EPS15: variants seen among roughly 807,000 people sequenced by gnomAD.
EPS15 encodes epidermal growth factor receptor pathway substrate 15.
A neutral mutation model predicts 113.8 loss-of-function variants in EPS15; 72 were observed. The ratio of observed to expected loss-of-function variants is 0.63; its 90% CI spans 0.52 to 0.77. The LOEUF is 0.77. Among genes scored for constraint, EPS15 ranks in the 30% least tolerant of loss-of-function variants. The probability of loss-of-function intolerance (pLI) is 0.00; values close to 1 mark genes in which losing one functional copy is unlikely to be tolerated. For missense variants in EPS15, 1,048 were observed against 1,045.8 expected, an observed-to-expected ratio of 1.00 and a Z score of -0.03; for synonymous variants, 344 against 363.4, an observed-to-expected ratio of 0.95 and a Z score of 0.61.
At chr1:51,402,332 C>A in intron 18 of EPS15, 103 bp downstream of exon 18, 1 of 561,896 alleles carries the variant, frequency 1.8e-6, no homozygotes, top group East Asian at 3.5e-5. Context: ...GGGCGACAGA[C>A]TGAGTTGGTA....
intron 1 of EPS15, among the ~76,000 whole-genome samples, chr1:51,508,240 A>AAAG (rs1644539008): frequency 2.6e-5 from 2 of 77,788 alleles, no homozygotes; most frequent in Admixed American, 1.1e-4. Flanking sequence ...AAAGAAAAGA[A>AAAG]AGAGAGAAAG....
At chr1:51,456,264 AT>A (rs1415998722) in intron 8 of EPS15, among the ~76,000 whole-genome samples, 1 of 152,224 alleles carries the variant, frequency 6.6e-6, no homozygotes, top group Non-Finnish European at 1.5e-5. Flanking sequence ...CTTTTAAAAA[AT>A]CTATACTGAA....
At chr1:51,458,450 T>C in intron 8 of EPS15, 1 of 358,942 alleles carries the variant, frequency 2.8e-6, no homozygotes. Flanking sequence ...TATATTTTTG[T>C]CTTGGGCCTG....
chr1:51,356,509 T>C lies in EPS15; in HGVS notation c.*191A>G. ...GAATTTGTCTGACTGGGTTACGGCT[T>C]TTATAAGAAAAAAAAAAAAAGACGA... is the stretch of plus-strand genomic sequence containing the variant. On this transcript the variant is annotated 3_prime_UTR_variant, in exon 25 of 25. Transcript: ENST00000371733. 1 of 501,886 alleles carries C rather than the reference T, an allele frequency of 2.0e-6. No homozygotes were observed. Among genetic ancestry groups the C allele is most frequent in the South Asian group, 3.0e-5 (1 of 33,280 alleles). The allele number at this position is 501,886 out of a possible 1,614,324, so 31.1% of individuals were successfully genotyped here. A position where few individuals can be genotyped will look rare whatever the true frequency, so the allele number is the denominator to read the frequency against.
At chr1:51,462,321 C>T (rs979718234) in intron 7 of EPS15, among the ~76,000 whole-genome samples, 6 of 151,260 alleles carry the variant, frequency 4.0e-5, no homozygotes, top group African/African-American at 1.5e-4. Context: ...CAAGATTGCG[C>T]CATTGCACTC....
intron 21 of EPS15, among the ~76,000 whole-genome samples, chr1:51,370,365 G>T (rs1234428079): frequency 6.6e-6 from 1 of 152,030 alleles, no homozygotes; most frequent in Non-Finnish European, 1.5e-5. Flanking sequence ...GCAGATTTTG[G>T]AATATTTGCA....
At chr1:51,516,324 T>A (rs2148572938) in intron 1 of EPS15, among the ~76,000 whole-genome samples, 1 of 152,344 alleles carries the variant, frequency 6.6e-6, no homozygotes, top group East Asian at 1.9e-4. Flanking sequence ...GTTAACTATT[T>A]TTGTTCATGA....
rs1650773808 is a variant in EPS15 at position 51,421,697 on chromosome 1, C to T, written c.1113+89G>A. ...CATTAGGCATTCTCTTGACCTAATA[C>T]TACATCCAGCAAATAGTAAATAACC... On this transcript the variant is annotated intron_variant, in intron 13 of 24. Coordinates refer to ENST00000371733, the MANE Select transcript of EPS15 (RefSeq NM_001981.3). The T allele has an allele frequency of 1.2e-5, 8 of 693,718 alleles. No homozygotes were observed. In the South Asian group the frequency reaches 2.7e-4, roughly 24 times the overall value. The allele number at this position is 693,718 out of a possible 1,614,324, so 43.0% of individuals were successfully genotyped here.
chr1:51,472,000 CT>C (rs1655273533), intron 3 of EPS15, among the ~76,000 whole-genome samples: 1 of 150,272 alleles, frequency 6.7e-6, no homozygotes, highest in Admixed American at 6.6e-5. Flanking sequence ...TATGAGGGTT[CT>C]TTTATGATTT....
At chr1:51,363,495 A>G (rs940848586) in intron 23 of EPS15, among the ~76,000 whole-genome samples, 4 of 152,188 alleles carry the variant, frequency 2.6e-5, no homozygotes, top group African/African-American at 9.6e-5. Flanking sequence ...TCTCTTAAAT[A>G]AATTATAATT....
chr1:51,392,436 T>G (rs1647478576), intron 21 of EPS15, among the ~76,000 whole-genome samples: 2 of 152,218 alleles, frequency 1.3e-5, no homozygotes, highest in South Asian at 4.1e-4. Context: ...TAGGCTATTA[T>G]CATCATTTAT....
At chr1:51,433,395 A>ATAG (rs1171127251) in intron 12 of EPS15, among the ~76,000 whole-genome samples, 1 of 152,262 alleles carries the variant, frequency 6.6e-6, no homozygotes, top group Admixed American at 6.5e-5. Context: ...TTACAGATAA[A>ATAG]TAAACTGAGG....
chr1:51,473,965 A>T (rs996140694), intron 2 of EPS15, among the ~76,000 whole-genome samples: 1 of 152,196 alleles, frequency 6.6e-6, no homozygotes, highest in Non-Finnish European at 1.5e-5. Context: ...AATTCTTCAG[A>T]ACTCCTTTTC....
chr1:51,380,945 G>A (rs1458702024), intron 21 of EPS15, among the ~76,000 whole-genome samples: 3 of 152,102 alleles, frequency 2.0e-5, no homozygotes, highest in African/African-American at 7.2e-5. Context: ...AGACAAAGAT[G>A]GACATTATAC....
At chr1:51,404,314 G>A (rs1648884868) in intron 16 of EPS15, among the ~76,000 whole-genome samples, 1 of 151,510 alleles carries the variant, frequency 6.6e-6, no homozygotes, top group African/African-American at 2.4e-5. Flanking sequence ...GGAGGCAGAG[G>A]TTGCAGTGAG....
Position 51,401,307 on chromosome 1 carries a change from T to TC in EPS15, c.1883-355dup, listed in dbSNP as rs1424082625. On this transcript the variant is annotated intron_variant, in intron 18 of 24. Transcript: ENST00000371733. The stretch of plus-strand genomic sequence containing the variant: ...AAAAAATTCTTACAGGATTGAAGAG[T>TC]CCAGAAATAAATCCTTACCTTTATG... The TC allele has an allele frequency of 1.1e-4, 19 of 167,398 alleles. No homozygotes were observed. In the Admixed American group the frequency reaches 1.1e-3, roughly 10 times the overall value. 10.4% of individuals were successfully genotyped at this position (167,398 alleles called of 1,614,324 possible). A position where few individuals can be genotyped will look rare whatever the true frequency, so the allele number is the denominator to read the frequency against.
At chr1:51,512,608 G>A (rs1029939168) in intron 1 of EPS15, among the ~76,000 whole-genome samples, 27 of 151,654 alleles carry the variant, frequency 1.8e-4, no homozygotes, top group Non-Finnish European at 3.7e-4. Context: ...CCCATCAAGA[G>A]AACAGGTAAA....
intron 8 of EPS15, chr1:51,458,530 A>G (rs1654188126): frequency 2.2e-6 from 1 of 445,328 alleles, no homozygotes; most frequent in Non-Finnish European, 4.5e-6. Flanking sequence ...TATTATCAGG[A>G]GCTCGAGACC....
intron 22 of EPS15, among the ~76,000 whole-genome samples, 173 bp from the exon 23 acceptor site, chr1:51,364,201 A>G (rs1646454614): frequency 6.6e-6 from 1 of 152,138 alleles, no homozygotes; most frequent in Admixed American, 6.5e-5. Context: ...CTGAAAAAAA[A>G]GTTATTCTAT....
Sources: allele counts gnomAD v4.1 joint callset (sites outside exome capture counted in the v4.1 genomes callset), GRCh38; gene constraint gnomAD v4.1.1; transcripts MANE v1.5; gene names NCBI Gene and HGNC (gene_info 2026-07-23, HGNC 2026-07-21).